Variants in GLIS3 observed in about 807,000 individuals in gnomAD.
GLIS3 encodes zinc finger protein GLIS3.
GLIS3 carries 53 observed loss-of-function variants against 78.6 expected under a neutral mutation model. The observed-to-expected ratio is 0.67, with a 90% CI of 0.54 to 0.85. The LOEUF is 0.85. GLIS3 is among the 40% of genes least tolerant of loss of function. The pLI is 0.00. For synonymous variants in GLIS3, 684 were observed against 509.9 expected (o/e 1.34, Z -4.60); for missense variants, 1,703 against 1,231.1 (o/e 1.38, Z -5.74).
intron 2 of GLIS3, among the ~76,000 whole-genome samples, chr9:4,186,514 A>T (rs75382308): frequency 0.17 from 25,085 of 151,084 alleles, 2,168 homozygotes; most frequent in Middle Eastern, 0.24. Flanking sequence ...GTATATACCC[A>T]CTAATGGGAT....
intron 2 of GLIS3, among the ~76,000 whole-genome samples, chr9:4,240,078 G>T (rs76375563): frequency 0.026 from 3,926 of 151,200 alleles, 75 homozygotes; most frequent in Admixed American, 0.036. Flanking sequence ...TGTAAGTAGT[G>T]GACACATATT....
chr9:3,924,930 T>C (rs565187831), intron 6 of GLIS3, among the ~76,000 whole-genome samples: 2 of 152,186 alleles, frequency 1.3e-5, no homozygotes, highest in East Asian at 3.9e-4. Flanking sequence ...AGAAAAACAA[T>C]TATCTAGGAA....
chr9:4,454,675 C>T, the GLIS3 span, among the ~76,000 whole-genome samples: 1 of 152,200 alleles, frequency 6.6e-6, no homozygotes, highest in African/African-American at 2.4e-5. Context: ...AAGAGCTACT[C>T]TCCTCTATTG....
At chr9:4,384,574 T>C in the GLIS3 span, among the ~76,000 whole-genome samples, 104 of 149,854 alleles carry the variant, frequency 6.9e-4, 1 homozygote, top group South Asian at 0.021. Flanking sequence ...CTTTCCTTTA[T>C]ATATAATATA....
chr9:3,918,653 G>C (rs558504306), intron 6 of GLIS3, among the ~76,000 whole-genome samples: 1 of 152,252 alleles, frequency 6.6e-6, no homozygotes, highest in African/African-American at 2.4e-5. Context: ...AACTGTGGCA[G>C]GCTAACTTGC....
At chr9:3,838,031 C>T (rs1818462207) in intron 9 of GLIS3, among the ~76,000 whole-genome samples, 1 of 152,028 alleles carries the variant, frequency 6.6e-6, no homozygotes. Flanking sequence ...GAACTCCCTG[C>T]ACTTTCCACT....
intron 2 of GLIS3, among the ~76,000 whole-genome samples, chr9:4,266,362 C>G (rs1346191737): frequency 6.6e-6 from 1 of 152,148 alleles, no homozygotes; most frequent in Non-Finnish European, 1.5e-5. Context: ...CCCTCTCAGT[C>G]TGACATAGCT....
At chr9:3,836,545 T>C (rs1818363528) in intron 9 of GLIS3, among the ~76,000 whole-genome samples, 1 of 152,202 alleles carries the variant, frequency 6.6e-6, no homozygotes, top group Non-Finnish European at 1.5e-5. Context: ...CAGCACTCTA[T>C]GGCTCTTTGT....
intron 4 of GLIS3, among the ~76,000 whole-genome samples, chr9:4,080,809 AAC>A (rs1828494668): frequency 6.6e-6 from 1 of 152,178 alleles, no homozygotes; most frequent in Non-Finnish European, 1.5e-5. Flanking sequence ...GGGGGCAGAT[AAC>A]GCAAGGCTCT....
At chr9:3,870,128 G>A (rs986624016) in intron 8 of GLIS3, among the ~76,000 whole-genome samples, 2 of 152,192 alleles carry the variant, frequency 1.3e-5, no homozygotes, top group African/African-American at 2.4e-5. Context: ...AATCGTTGCT[G>A]TCTTTGACCC....
intron 2 of GLIS3, among the ~76,000 whole-genome samples, chr9:4,188,157 T>C (rs1362146778): frequency 1.3e-5 from 2 of 151,052 alleles, no homozygotes; most frequent in South Asian, 2.1e-4. Flanking sequence ...TCTTATTATT[T>C]TGAGATACAT....
At position 4,020,525 on chromosome 9, in the gene GLIS3, T is replaced by C. The variant is rs894520245; in HGVS notation, c.1711-83336A>G. 1.9e-4 allele frequency among the ~76,000 whole-genome samples: 29 copies of C among 152,118 alleles called. 1 individual carries two copies. Among genetic ancestry groups the C allele is most frequent in the Admixed American group, 1.4e-3 (21 of 15,270 alleles). On this transcript the variant is annotated intron_variant, in intron 4 of 10. Transcript: ENST00000381971. ...TGCTTAGTATAAGAGCATGATGTGT[T>C]TTTCATCCTTTCAACCAGTTAGGTT...
the GLIS3 span, among the ~76,000 whole-genome samples, chr9:4,465,063 A>G: frequency 6.6e-6 from 1 of 152,244 alleles, no homozygotes; most frequent in African/African-American, 2.4e-5. Context: ...TCTGCTTTAT[A>G]TTTGCATACT....
At chr9:4,187,560 G>A (rs2131201130) in intron 2 of GLIS3, among the ~76,000 whole-genome samples, 1 of 152,262 alleles carries the variant, frequency 6.6e-6, no homozygotes, top group East Asian at 1.9e-4. Flanking sequence ...GATGGGGATG[G>A]CATTGAATCT....
At chr9:3,896,643 T>C (rs1563824148) in intron 7 of GLIS3, among the ~76,000 whole-genome samples, 2 of 95,066 alleles carry the variant, frequency 2.1e-5, no homozygotes, top group South Asian at 3.7e-4. Flanking sequence ...TCCAGCCTGG[T>C]TGACAGAGTG....
At chr9:4,437,420 G>GTATGTATCTATCTATC in the GLIS3 span, among the ~76,000 whole-genome samples, 684 of 127,016 alleles carry the variant, frequency 5.4e-3, 4 homozygotes, top group Middle Eastern at 8.7e-3. Context: ...ATGTATGTAT[G>GTATGTATCTATCTATC]TATCTATCTA....
At chr9:4,321,114 G>C (rs866248671) in intron 2 of GLIS3, among the ~76,000 whole-genome samples, 1 of 142,584 alleles carries the variant, frequency 7.0e-6, no homozygotes. Context: ...ACTCAGCATG[G>C]TCTCCGCTTT....
intron 4 of GLIS3, among the ~76,000 whole-genome samples, chr9:3,986,183 A>G (rs1819728460): frequency 6.6e-6 from 1 of 152,206 alleles, no homozygotes; most frequent in Non-Finnish European, 1.5e-5. Context: ...GCAGGCATGC[A>G]CTTTCTCCAA....
chr9:4,113,684 T>C (rs1421499363), intron 4 of GLIS3, among the ~76,000 whole-genome samples: 2 of 152,152 alleles, frequency 1.3e-5, no homozygotes, highest in African/African-American at 2.4e-5. Flanking sequence ...CCTCAAGACA[T>C]GTCTTATGAG....
Sources: gnomAD v4.1 joint callset for allele counts (sites outside exome capture counted in the v4.1 genomes callset) on GRCh38, gnomAD v4.1.1 for gene constraint, MANE v1.5 for transcripts, NCBI Gene and HGNC (gene_info 2026-07-23, HGNC 2026-07-21) for gene names.